The following PRIMPOL variants were observed in gnomAD, a reference collection of about 807,000 sequenced individuals.
PRIMPOL encodes DNA-directed primase/polymerase protein.
In PRIMPOL, 54 loss-of-function variants were observed where a neutral mutation model predicts 63.6. The observed-to-expected ratio is 0.85, with a 90% CI of 0.68 to 1.07. The LOEUF is 1.07. Among genes scored for constraint, PRIMPOL ranks in the 50% least tolerant of loss-of-function variants. PRIMPOL has a pLI of 0.00. For synonymous variants in PRIMPOL, 197 were observed against 220.2 expected, an observed-to-expected ratio of 0.89 and a Z score of 0.93; for missense variants, 610 against 648.3, an observed-to-expected ratio of 0.94 and a Z score of 0.64.
At chr4:184,663,751 T>C (rs1430071659) in intron 5 of PRIMPOL, among the ~76,000 whole-genome samples, 1 of 152,268 alleles carries the variant, frequency 6.6e-6, no homozygotes, top group Admixed American at 6.5e-5. Flanking sequence ...ACCATGTTGA[T>C]AGAACAGTTC....
At position 184,659,329 on chromosome 4, in the gene PRIMPOL, A is replaced by AT. The variant is rs771705648; in HGVS notation, c.181-7dup. ...GTGAATTTTTCTGAATTCTTTTTTGATTTTATGCAGGACGTTCATGTATTT... is the reference window on the plus strand; with the variant it reads ...GTGAATTTTTCTGAATTCTTTTTTGATTTTTATGCAGGACGTTCATGTATTT... On this transcript the variant is annotated splice_polypyrimidine_tract_variant and intron_variant, in intron 3 of 13. Coordinates refer to ENST00000314970, the MANE Select transcript of PRIMPOL (RefSeq NM_152683.4). 117 of 1,603,346 alleles carry AT rather than the reference A, an allele frequency of 7.3e-5. No homozygotes were observed. The highest frequency in any genetic ancestry group is 2.0e-5 in the Non-Finnish European group (24 of 1,171,738).
intron 11 of PRIMPOL, among the ~76,000 whole-genome samples, chr4:184,689,412 ACTCATAC>A (rs1230444893): frequency 1.5e-5 from 2 of 135,604 alleles, no homozygotes; most frequent in East Asian, 2.3e-4. Context: ...ACCCTCCCCA[ACTCATAC>A]CTTGTTCTCC....
At chr4:184,692,880 A>G (rs1246585372) in intron 13 of PRIMPOL, among the ~76,000 whole-genome samples, 11 of 152,244 alleles carry the variant, frequency 7.2e-5, no homozygotes, top group African/African-American at 2.6e-4. Context: ...CTTTTTTCGG[A>G]TTCACTATTA....
intron 7 of PRIMPOL, among the ~76,000 whole-genome samples, chr4:184,675,185 A>G (rs1752962737): frequency 2.6e-5 from 4 of 152,224 alleles, no homozygotes; most frequent in African/African-American, 7.2e-5. Flanking sequence ...TTATTATGGC[A>G]GTGTAGTATG....
intron 8 of PRIMPOL, among the ~76,000 whole-genome samples, 198 bp downstream of exon 8, chr4:184,678,592 A>G (rs888384577): frequency 5.1e-5 from 7 of 138,388 alleles, no homozygotes; most frequent in Admixed American, 4.0e-4. Flanking sequence ...CAGTGGCGCT[A>G]TCTAGGCTCA....
At chr4:184,661,997 ATCTCT>A in intron 5 of PRIMPOL, 94 bp downstream of exon 5, 1 of 1,127,358 alleles carries the variant, frequency 8.9e-7, no homozygotes, top group Non-Finnish European at 1.2e-6. Flanking sequence ...TAGGTTCTGT[ATCTCT>A]TCTTTTTCTT....
intron 2 of PRIMPOL, among the ~76,000 whole-genome samples, chr4:184,653,445 A>G (rs1350678044): frequency 6.6e-6 from 1 of 152,218 alleles, no homozygotes; most frequent in East Asian, 1.9e-4. Context: ...TGCTTAAATA[A>G]TCAAACATGG....
chr4:184,661,033 A>G (rs540725613), intron 4 of PRIMPOL, among the ~76,000 whole-genome samples: 1 of 152,216 alleles, frequency 6.6e-6, no homozygotes, highest in Non-Finnish European at 1.5e-5. Context: ...TTTTTAAAAT[A>G]TTATCTTCCA....
At chr4:184,679,803 A>T (rs72689297) in intron 8 of PRIMPOL, among the ~76,000 whole-genome samples, 15,447 of 152,096 alleles carry the variant, frequency 0.1, 942 homozygotes, top group Middle Eastern at 0.17. Context: ...CATGGGAGGG[A>T]TCTAGGTTGC....
Position 184,661,921 on chromosome 4 carries a change from G to T in PRIMPOL, c.408+18G>T, listed in dbSNP as rs745915249. Reference sequence around the variant, plus strand: ...TCATTGAGGTAAATGGCCAACTCAAGTTTTTCTTATTTCTATCCATCTCTT... The same window carrying T: ...TCATTGAGGTAAATGGCCAACTCAATTTTTTCTTATTTCTATCCATCTCTT... On this transcript the variant is annotated intron_variant, in intron 5 of 13. Coordinates refer to ENST00000314970, the MANE Select transcript of PRIMPOL (RefSeq NM_152683.4). The T allele has an allele frequency of 3.3e-6, 5 of 1,497,752 alleles. No homozygotes were observed. Among genetic ancestry groups the T allele is most frequent in the South Asian group, 1.2e-5 (1 of 85,744 alleles). 92.8% of individuals were successfully genotyped at this position (1,497,752 alleles called of 1,614,324 possible).
chr4:184,680,195 T>A (rs1755228022), intron 8 of PRIMPOL, among the ~76,000 whole-genome samples: 1 of 12,782 alleles, frequency 7.8e-5, no homozygotes, highest in Non-Finnish European at 3.7e-4. Context: ...TTTCTAAATA[T>A]AATTTTTTTT....
At chr4:184,673,269 A>G (rs2150098012) in intron 7 of PRIMPOL, among the ~76,000 whole-genome samples, 1 of 151,170 alleles carries the variant, frequency 6.6e-6, no homozygotes, top group Admixed American at 6.6e-5. Flanking sequence ...AGCTGGGACT[A>G]CAGGCGCCCG....
rs377682424 is a variant in PRIMPOL at position 184,674,038 on chromosome 4, C to T, written c.844+1578C>T. Among the ~76,000 whole-genome samples, 5 of 152,216 alleles carry T rather than the reference C, an allele frequency of 3.3e-5. No homozygotes were observed. The South Asian group carries it at 6.2e-4, about 19-fold the overall frequency. ...AGCCTGCAGTCAGTGAGGGAGAGTG[C>T]GTAACAGGAAGTTGATCCAGGGAGA... On this transcript the variant is annotated intron_variant, in intron 7 of 13. Transcript: ENST00000314970.
chr4:184,674,810 TA>T (rs1192333764), intron 7 of PRIMPOL, among the ~76,000 whole-genome samples: 11 of 152,202 alleles, frequency 7.2e-5, no homozygotes, highest in Non-Finnish European at 1.5e-4. Flanking sequence ...GTCGATACTG[TA>T]AGTTTAGGTC....
chr4:184,663,884 T>C (rs1579360031), intron 5 of PRIMPOL, among the ~76,000 whole-genome samples: 1 of 152,362 alleles, frequency 6.6e-6, no homozygotes, highest in East Asian at 1.9e-4. Flanking sequence ...CCTTTGAGTC[T>C]TACTGTGAGG....
intron 2 of PRIMPOL, among the ~76,000 whole-genome samples, chr4:184,655,020 T>G (rs888456351): frequency 6.6e-6 from 1 of 152,062 alleles, no homozygotes; most frequent in Admixed American, 6.6e-5. Flanking sequence ...TTTTTTCTTT[T>G]CTTTTGAGAT....
At chr4:184,678,074 G>C (rs140401779) in intron 7 of PRIMPOL, among the ~76,000 whole-genome samples, 158 bp from the exon 8 acceptor site, 2 of 152,140 alleles carry the variant, frequency 1.3e-5, no homozygotes, top group Non-Finnish European at 2.9e-5. Context: ...ACTGCAATTT[G>C]TTTTAATTTA....
chr4:184,663,279 A>G (rs1748915384), intron 5 of PRIMPOL, among the ~76,000 whole-genome samples: 1 of 152,090 alleles, frequency 6.6e-6, no homozygotes, highest in Non-Finnish European at 1.5e-5. Context: ...TCCTGGCCTC[A>G]AGTGATACAC....
chr4:184,662,206 C>A (rs1230486937), intron 5 of PRIMPOL, among the ~76,000 whole-genome samples: 1 of 152,022 alleles, frequency 6.6e-6, no homozygotes, highest in Non-Finnish European at 1.5e-5. Context: ...ACTTCCATTA[C>A]GAATAGCTGA....
Sources: allele counts gnomAD v4.1 joint callset (sites outside exome capture counted in the v4.1 genomes callset), GRCh38; gene constraint gnomAD v4.1.1; transcripts MANE v1.5; gene names NCBI Gene and HGNC (gene_info 2026-07-23, HGNC 2026-07-21).